The following PANK4 variants were observed in gnomAD, a reference collection of about 807,000 sequenced individuals.
PANK4 encodes pantothenate kinase 4 (inactive).
Under a neutral mutation model 87.9 loss-of-function variants are expected in PANK4, and 40 were observed. That is an observed-to-expected ratio of 0.46 (90% confidence interval 0.35 to 0.59). The LOEUF (loss-of-function observed/expected upper bound fraction) is 0.59. Among genes scored for constraint, PANK4 ranks in the 20% least tolerant of loss-of-function variants. PANK4 has a pLI of 0.00. For missense variants in PANK4, 926 were observed against 1,072.3 expected (o/e 0.86, Z 1.90); for synonymous variants, 524 against 467.4 (o/e 1.12, Z -1.56).
intron 1 of PANK4, among the ~76,000 whole-genome samples, chr1:2,524,226 G>T (rs779985690): frequency 6.6e-6 from 1 of 152,140 alleles, no homozygotes; most frequent in Admixed American, 6.5e-5. Context: ...AGACATCAGC[G>T]TCCCATCGAG....
rs1012145825 is a variant in PANK4 at position 2,519,023 on chromosome 1, C to T, written c.1035+120G>A. 4.3e-6 allele frequency: 4 copies of T among 929,092 alleles called. No individual in the cohort carries two copies. Among genetic ancestry groups the T allele is most frequent in the African/African-American group, 3.3e-5 (2 of 60,570 alleles). 57.6% of individuals were successfully genotyped at this position (929,092 alleles called of 1,614,324 possible). On this transcript the variant is annotated intron_variant, in intron 7 of 18. Coordinates refer to ENST00000378466, the MANE Select transcript of PANK4 (RefSeq NM_018216.4). The surrounding 1 kb of genome is among the most constrained non-coding windows in gnomAD (Gnocchi z 8.3). Reference sequence around the variant, plus strand: ...TCAGTCAGAAGGGAGGGGTGCTGGGCTTCTTGGCCCCCACCCTCCAGGCCT... The same window carrying T: ...TCAGTCAGAAGGGAGGGGTGCTGGGTTTCTTGGCCCCCACCCTCCAGGCCT...
Position 2,515,939 on chromosome 1 carries a change from G to A in PANK4, c.1219-222C>T. ...CTGGTTTGACACTGGGGTTGCGTCT[G>A]CTCCCACCACACGCCTCCTGCCCCC... On this transcript the variant is annotated intron_variant, in intron 9 of 18. Transcript: ENST00000378466. This position sits in a 1 kb window ranked among gnomAD's most constrained non-coding sequence, Gnocchi z 5.0. The A allele has an allele frequency of 1.7e-6, 1 of 590,374 alleles. No individual in the cohort carries two copies. The highest frequency in any genetic ancestry group is 3.0e-6 in the Non-Finnish European group (1 of 331,354). 36.6% of individuals were successfully genotyped at this position (590,374 alleles called of 1,614,324 possible). A position where few individuals can be genotyped will look rare whatever the true frequency, so the allele number is the denominator to read the frequency against.
chr1:2,509,164 T>G lies in PANK4; in HGVS notation c.2109-104A>C. 3 of 871,030 alleles carry G rather than the reference T, an allele frequency of 3.4e-6. No individual in the cohort carries two copies. Among genetic ancestry groups the G allele is most frequent in the Non-Finnish European group, 5.3e-6 (3 of 569,016 alleles). 54.0% of individuals were successfully genotyped at this position (871,030 alleles called of 1,614,324 possible). On this transcript the variant is annotated intron_variant, in intron 18 of 18. Coordinates refer to ENST00000378466, the MANE Select transcript of PANK4 (RefSeq NM_018216.4). This position sits in a 1 kb window ranked among gnomAD's most constrained non-coding sequence, Gnocchi z 4.9. ...GAAGGCTGAAACCCCTACCGCTCAA[T>G]TCCCTGATGTGGAGGCCTCCAAACC...
Position 2,512,952 on chromosome 1 carries a change from GCTGCCGTTCCTCC to G in PANK4, c.1650_1662del (p.Trp550CysfsTer5). The G allele has an allele frequency of 6.2e-7, 1 of 1,612,656 alleles. No individual in the cohort carries two copies. Among genetic ancestry groups the G allele is most frequent in the Non-Finnish European group, 8.5e-7 (1 of 1,179,802 alleles). On this transcript the variant is annotated frameshift_variant, in exon 13 of 19. Transcript: ENST00000378466. LOFTEE classifies it high-confidence loss of function. ...GCCAGGAGGCCTTTCACCAGCGCCA[GCTGCCGTTCCTCC>G]CAGCCCAGCGCGTCCAGGGAGCGCA...
intron 7 of PANK4, 148 bp from the exon 8 acceptor site, chr1:2,518,745 A>G: frequency 1.4e-6 from 1 of 690,426 alleles, no homozygotes; most frequent in Non-Finnish European, 2.6e-6. Flanking sequence ...TGCCAGTGGA[A>G]TCGCGCCTGG....
chr1:2,509,961 G>A lies in PANK4; in HGVS notation c.2040-31C>T. 5 of 1,601,160 alleles carry A rather than the reference G, an allele frequency of 3.1e-6. No homozygotes were observed. The highest frequency in any genetic ancestry group is 3.4e-6 in the Non-Finnish European group (4 of 1,173,534). ...AGATACAAGGTGGTCAGTGCCCCCA[G>A]GAGCTCCCAGTTCAGTGACAATCCC... On this transcript the variant is annotated intron_variant, in intron 17 of 18. Coordinates refer to ENST00000378466, the MANE Select transcript of PANK4 (RefSeq NM_018216.4). The surrounding 1 kb of genome is among the most constrained non-coding windows in gnomAD (Gnocchi z 4.9).
chr1:2,524,817 T>C (rs1643906822), intron 1 of PANK4, among the ~76,000 whole-genome samples: 3 of 152,194 alleles, frequency 2.0e-5, no homozygotes, highest in African/African-American at 7.2e-5. Flanking sequence ...AGCAGAACCT[T>C]GCAGAGCACA....
intron 1 of PANK4, among the ~76,000 whole-genome samples, chr1:2,523,054 T>C (rs932965565): frequency 6.6e-6 from 1 of 151,862 alleles, no homozygotes. Context: ...TCCCACATCA[T>C]GAGAGTAATG....
chr1:2,518,349 C>T lies in PANK4; in HGVS notation c.1118-85G>A, dbSNP rs181885614. 6.5e-5 allele frequency: 68 copies of T among 1,041,304 alleles called. No homozygotes were observed. The African/African-American group carries it at 8.0e-4, about 12-fold the overall frequency. 64.5% of individuals were successfully genotyped at this position (1,041,304 alleles called of 1,614,324 possible). Reference sequence around the variant, plus strand: ...AGTGGAGGAGGAAAGGGTATAAAATCGCTTATTAACTAAATTGTTAAAATG... The same window carrying T: ...AGTGGAGGAGGAAAGGGTATAAAATTGCTTATTAACTAAATTGTTAAAATG... On this transcript the variant is annotated intron_variant, in intron 8 of 18. Transcript: ENST00000378466.
Position 2,515,599 on chromosome 1 carries a change from T to A in PANK4, c.1337A>T (p.Lys446Ile). The A allele has an allele frequency of 1.9e-6, 3 of 1,613,214 alleles. No individual in the cohort carries two copies. The highest frequency in any genetic ancestry group is 2.5e-6 in the Non-Finnish European group (3 of 1,179,986). ...CTCCTCAAAGCAGGTGAGCCAGTAT[T>A]TTCGGGCCAGAGCGTCATCGGTGAG... ...VDLTDDALAR[K>I]YWLTCFEEAL... Residue 446 changes from lysine to isoleucine, a missense_variant, in exon 10 of 19, where the codon AAA becomes ATA. Transcript: ENST00000378466. The surrounding 1 kb of genome is among the most constrained non-coding windows in gnomAD (Gnocchi z 5.0).
chr1:2,511,297 C>G, intron 15 of PANK4, 41 bp downstream of exon 15: 1 of 1,496,846 alleles, frequency 6.7e-7, no homozygotes, highest in Non-Finnish European at 9.3e-7. Context: ...CCGGGCCCCG[C>G]TGTGTCCCCA....
Position 2,510,649 on chromosome 1 carries a change from A to G in PANK4, c.1938+29T>C. On this transcript the variant is annotated intron_variant, in intron 16 of 18. Transcript: ENST00000378466. This position sits in a 1 kb window ranked among gnomAD's most constrained non-coding sequence, Gnocchi z 4.9. ...ACCGAGAGCAGAGAAGCCCAGGGGA[A>G]GGGCCCCACCCACCACCTCAACACT... 7.8e-7 allele frequency: 1 copy of G among 1,282,704 alleles called. No homozygotes were observed. 79.5% of individuals were successfully genotyped at this position (1,282,704 alleles called of 1,614,324 possible).
At position 2,515,743 on chromosome 1, in the gene PANK4, G is replaced by A. The variant is rs781607538; in HGVS notation, c.1219-26C>T. ...CTGGAAGACAGGCAGTGGCAGGGTG[G>A]AAACGTCACCATGGTTCAGAACGAC... On this transcript the variant is annotated intron_variant, in intron 9 of 18. Coordinates refer to ENST00000378466, the MANE Select transcript of PANK4 (RefSeq NM_018216.4). The surrounding 1 kb of genome is among the most constrained non-coding windows in gnomAD (Gnocchi z 5.0). 6.2e-7 allele frequency: 1 copy of A among 1,608,270 alleles called. No homozygotes were observed. The highest frequency in any genetic ancestry group is 8.5e-7 in the Non-Finnish European group (1 of 1,177,398).
At chr1:2,518,736 GC>G in intron 7 of PANK4, 139 bp from the exon 8 acceptor site, 1 of 720,228 alleles carries the variant, frequency 1.4e-6, no homozygotes, top group Non-Finnish European at 2.4e-6. Flanking sequence ...CGGCATACTT[GC>G]CAGTGGAATC....
rs758746696 is a variant in PANK4, at chr1:2,514,473, G to A, written c.1375-7C>T. 1 of 1,601,416 alleles carries A rather than the reference G, an allele frequency of 6.2e-7. No individual in the cohort carries two copies. Among genetic ancestry groups the A allele is most frequent in the East Asian group, 2.2e-5 (1 of 44,814 alleles). On this transcript the variant is annotated splice_region_variant and splice_polypyrimidine_tract_variant and intron_variant, in intron 10 of 18. Transcript: ENST00000378466. Reference sequence around the variant, plus strand: ...CCACTGCGCGCTTCACTACCTGCCAGCGACAGAAGGAGGGGGTTAGTCAAG... The same window carrying A: ...CCACTGCGCGCTTCACTACCTGCCAACGACAGAAGGAGGGGGTTAGTCAAG...
In PANK4 at chr1:2,520,485, C is replaced by A; in HGVS notation, c.607-71G>T. 1.5e-6 allele frequency: 2 copies of A among 1,328,168 alleles called. No individual in the cohort carries two copies. Among genetic ancestry groups the A allele is most frequent in the Non-Finnish European group, 2.1e-6 (2 of 949,862 alleles). 82.3% of individuals were successfully genotyped at this position (1,328,168 alleles called of 1,614,324 possible). ...ACACAGGCTCCCCCGCCCCCCGCCC[C>A]ATGTGCTGCGCTGGGGTGAACCCCG... On this transcript the variant is annotated intron_variant, in intron 4 of 18. Transcript: ENST00000378466. This position sits in a 1 kb window ranked among gnomAD's most constrained non-coding sequence, Gnocchi z 6.2.
intron 1 of PANK4, among the ~76,000 whole-genome samples, chr1:2,522,458 G>A (rs1032303558): frequency 2.0e-5 from 3 of 152,190 alleles, no homozygotes; most frequent in Non-Finnish European, 4.4e-5. Flanking sequence ...CCAGGATGCC[G>A]CCTGTGATCA....
intron 1 of PANK4, 47 bp from the exon 2 acceptor site, chr1:2,521,847 C>T (rs1171905222): frequency 5.5e-6 from 8 of 1,461,066 alleles, no homozygotes; most frequent in East Asian, 2.3e-5. Context: ...CAGGACACAG[C>T]GGGGCCTGGG....
intron 1 of PANK4, among the ~76,000 whole-genome samples, chr1:2,524,645 C>G (rs969456501): frequency 3.3e-5 from 5 of 152,242 alleles, no homozygotes; most frequent in African/African-American, 9.6e-5. Flanking sequence ...ACAGCCCCAG[C>G]TCTGCGGCTT....
Sources: gnomAD v4.1 joint callset for allele counts (sites outside exome capture counted in the v4.1 genomes callset) on GRCh38, gnomAD v4.1.1 for gene constraint, Gnocchi (gnomAD v3.1) non-coding constraint, MANE v1.5 for transcripts, NCBI Gene and HGNC (gene_info 2026-07-23, HGNC 2026-07-21) for gene names.